SKIC3: variants seen among roughly 807,000 people sequenced by gnomAD.
SKIC3 encodes the protein superkiller complex protein 3.
chr5:95,505,148 A>G, the SKIC3 span, among the ~76,000 whole-genome samples: 11 of 152,340 alleles, frequency 7.2e-5, no homozygotes, highest in Admixed American at 4.6e-4. Context: ...GAGAAACACT[A>G]TATCTTTGAG....
the SKIC3 span, chr5:95,537,271 T>G: frequency 1.2e-6 from 1 of 826,486 alleles, no homozygotes. Context: ...CCCTGACAAC[T>G]TCAACGAGGA....
the SKIC3 span, chr5:95,524,341 C>T: frequency 2.2e-6 from 3 of 1,375,168 alleles, no homozygotes; most frequent in Middle Eastern, 2.6e-4. Flanking sequence ...CAAAACCTGA[C>T]ATATGAAAGA....
chr5:95,476,139 C>A, the SKIC3 span, among the ~76,000 whole-genome samples: 1 of 152,204 alleles, frequency 6.6e-6, no homozygotes, highest in Non-Finnish European at 1.5e-5. Flanking sequence ...CTTGTCCTTG[C>A]CCAGGAACCC....
At chr5:95,515,819 T>C in the SKIC3 span, among the ~76,000 whole-genome samples, 221 of 152,224 alleles carry the variant, frequency 1.5e-3, 2 homozygotes, top group Admixed American at 6.4e-3. Flanking sequence ...TTATGGAAAC[T>C]TTCCAAACAT....
the SKIC3 span, chr5:95,523,957 AT>A: frequency 9.7e-7 from 1 of 1,034,402 alleles, no homozygotes; most frequent in Non-Finnish European, 1.4e-6. Context: ...ACATACAAAA[AT>A]ATGCCAAAAA....
At chr5:95,520,902 A>AT in the SKIC3 span, 1 of 994,230 alleles carries the variant, frequency 1.0e-6, no homozygotes, top group Non-Finnish European at 1.6e-6. Context: ...TATTGGTGTT[A>AT]TTTTAAAGCA....
the SKIC3 span, among the ~76,000 whole-genome samples, chr5:95,475,921 G>C: frequency 6.6e-6 from 1 of 152,224 alleles, no homozygotes; most frequent in South Asian, 2.1e-4. Flanking sequence ...ATGCTCTTCA[G>C]TGGTGATGGC....
At chr5:95,466,674 T>G in the SKIC3 span, among the ~76,000 whole-genome samples, 35 of 152,220 alleles carry the variant, frequency 2.3e-4, no homozygotes, top group Non-Finnish European at 3.8e-4. Context: ...TGCATGGACA[T>G]TCTCTCCTTT....
At chr5:95,517,019 G>A in the SKIC3 span, 3 of 1,613,686 alleles carry the variant, frequency 1.9e-6, no homozygotes, top group Non-Finnish European at 2.5e-6. Context: ...GTCACACCAT[G>A]TATTAGATGT....
At chr5:95,514,901 A>G in the SKIC3 span, 2 of 1,612,668 alleles carry the variant, frequency 1.2e-6, no homozygotes, top group South Asian at 2.2e-5. Flanking sequence ...GGATTGAGCC[A>G]TTTTGAAAGC....
chr5:95,545,621 C>T, the SKIC3 span, among the ~76,000 whole-genome samples: 1 of 152,142 alleles, frequency 6.6e-6, no homozygotes, highest in Non-Finnish European at 1.5e-5. Context: ...ATGCCACAGG[C>T]CTAGAAGGTG....
the SKIC3 span, among the ~76,000 whole-genome samples, chr5:95,520,161 C>A: frequency 6.6e-6 from 1 of 151,880 alleles, no homozygotes; most frequent in Non-Finnish European, 1.5e-5. Context: ...TCTGACCTAA[C>A]CAATGAATTC....
the SKIC3 span, among the ~76,000 whole-genome samples, chr5:95,480,045 C>A: frequency 6.6e-6 from 1 of 151,892 alleles, no homozygotes; most frequent in Non-Finnish European, 1.5e-5. Context: ...ATGTTAATTA[C>A]GGGTAAAAAT....
the SKIC3 span, among the ~76,000 whole-genome samples, chr5:95,496,871 G>C: frequency 6.6e-6 from 1 of 152,154 alleles, no homozygotes; most frequent in East Asian, 1.9e-4. Context: ...TGAACTATGA[G>C]AGGATATATT....
At chr5:95,465,803 C>T in the SKIC3 span, among the ~76,000 whole-genome samples, 11 of 152,080 alleles carry the variant, frequency 7.2e-5, no homozygotes, top group Admixed American at 1.3e-4. Context: ...GAATATCTAC[C>T]CTTTGTTCTG....
At chr5:95,471,910 C>G in the SKIC3 span, among the ~76,000 whole-genome samples, 4 of 152,100 alleles carry the variant, frequency 2.6e-5, no homozygotes, top group African/African-American at 9.7e-5. Flanking sequence ...AGTGTAGGGC[C>G]CTTTGTTGAA....
At chr5:95,474,850 A>C in the SKIC3 span, among the ~76,000 whole-genome samples, 1 of 152,234 alleles carries the variant, frequency 6.6e-6, no homozygotes, top group South Asian at 2.1e-4. Flanking sequence ...TGATTAAAAG[A>C]ACCACTTTGT....
the SKIC3 span, among the ~76,000 whole-genome samples, chr5:95,542,832 AT>A: frequency 1.3e-5 from 2 of 152,216 alleles, no homozygotes; most frequent in African/African-American, 4.8e-5. Flanking sequence ...TTTTTATATT[AT>A]TTTATTTTTA....
chr5:95,491,356 A>G, the SKIC3 span, among the ~76,000 whole-genome samples: 3 of 152,186 alleles, frequency 2.0e-5, no homozygotes, highest in Non-Finnish European at 4.4e-5. Context: ...TTCACTGGAC[A>G]CCAAGGACAA....
Sources: allele counts gnomAD v4.1 joint callset (sites outside exome capture counted in the v4.1 genomes callset), GRCh38; gene constraint gnomAD v4.1.1; transcripts MANE v1.5; gene names NCBI Gene and HGNC (gene_info 2026-07-23, HGNC 2026-07-21).